ADAMTS18: variants seen among roughly 807,000 people sequenced by gnomAD.
The protein encoded by ADAMTS18 is ADAM metallopeptidase with thrombospondin type 1 motif 18, also known as A disintegrin and metalloproteinase with thrombospondin motifs 18.
A neutral mutation model predicts 165.9 loss-of-function variants in ADAMTS18; 157 were observed. That is an observed-to-expected ratio of 0.95 (90% confidence interval 0.83 to 1.08). The LOEUF (loss-of-function observed/expected upper bound fraction) is 1.08, where lower values mean the gene tolerates loss of function less well. ADAMTS18 is among the 50% of genes least tolerant of loss of function. The pLI is 0.00. For missense variants in ADAMTS18, 2,040 were observed against 1,534.0 expected (o/e 1.33, Z -5.51); for synonymous variants, 782 against 578.2 (o/e 1.35, Z -5.06).
Position 77,332,717 on chromosome 16 carries a change from T to C in ADAMTS18, c.1859+3039A>G, listed in dbSNP as rs186714842. Among the ~76,000 whole-genome samples, 1,147 of 152,252 alleles carry C rather than the reference T, an allele frequency of 7.5e-3. 7 individuals carry two copies. The highest frequency in any genetic ancestry group is 0.013 in the Non-Finnish European group (917 of 68,022). On this transcript the variant is annotated intron_variant, in intron 12 of 22. Transcript: ENST00000282849. ...TAAAAGTAACATAAAACCACCTTCA[T>C]GTGCACAGAGCACAAACTGCAGTTC...
intron 3 of ADAMTS18, among the ~76,000 whole-genome samples, chr16:77,403,502 A>G (rs1264183717): frequency 6.6e-6 from 1 of 152,208 alleles, no homozygotes; most frequent in Non-Finnish European, 1.5e-5. Flanking sequence ...ATAGAAAATC[A>G]GAGAATGGGA....
intron 6 of ADAMTS18, 26 bp from the exon 7 acceptor site, chr16:77,362,290 G>T: frequency 1.2e-6 from 2 of 1,613,180 alleles, no homozygotes; most frequent in Non-Finnish European, 1.7e-6. Context: ...ACAAATCAAA[G>T]TGTGAATTTG....
chr16:77,410,285 C>G (rs1006107572), intron 3 of ADAMTS18, among the ~76,000 whole-genome samples: 8 of 112,240 alleles, frequency 7.1e-5, no homozygotes, highest in Admixed American at 2.7e-4. Flanking sequence ...GGTTGCAACC[C>G]AAATTTGAAA....
chr16:77,290,677 C>T (rs984975625), intron 21 of ADAMTS18: 7 of 164,914 alleles, frequency 4.2e-5, no homozygotes, highest in Non-Finnish European at 6.6e-5. Context: ...GGAAGGACCG[C>T]GTCACACACC....
intron 3 of ADAMTS18, among the ~76,000 whole-genome samples, chr16:77,407,847 G>A (rs1171609336): frequency 6.6e-6 from 1 of 151,872 alleles, no homozygotes; most frequent in East Asian, 1.9e-4. Flanking sequence ...ATTTTACATT[G>A]GAAAATATTT....
chr16:77,397,269 G>C (rs193203262), intron 3 of ADAMTS18, among the ~76,000 whole-genome samples: 1 of 152,184 alleles, frequency 6.6e-6, no homozygotes, highest in African/African-American at 2.4e-5. Flanking sequence ...TCCTACATAA[G>C]TGAAATACAC....
At chr16:77,407,104 G>A (rs778177632) in intron 3 of ADAMTS18, among the ~76,000 whole-genome samples, 1 of 151,968 alleles carries the variant, frequency 6.6e-6, no homozygotes, top group African/African-American at 2.4e-5. Flanking sequence ...AAAAATTGAA[G>A]AGAAAGGAAT....
intron 12 of ADAMTS18, among the ~76,000 whole-genome samples, chr16:77,328,960 G>C (rs919118294): frequency 1.3e-5 from 2 of 152,328 alleles, no homozygotes; most frequent in Admixed American, 6.5e-5. Context: ...CAGGCCTGTG[G>C]ACTCAGTCCA....
At chr16:77,430,854 G>A (rs548246797) in intron 3 of ADAMTS18, among the ~76,000 whole-genome samples, 1 of 152,300 alleles carries the variant, frequency 6.6e-6, no homozygotes, top group African/African-American at 2.4e-5. Flanking sequence ...GAAGACAAAA[G>A]GCCTCCCTTC....
At chr16:77,359,856 G>A (rs2056686743) in intron 7 of ADAMTS18, among the ~76,000 whole-genome samples, 1 of 152,096 alleles carries the variant, frequency 6.6e-6, no homozygotes, top group African/African-American at 2.4e-5. Context: ...ATTTTCCAAG[G>A]AAAAACACAT....
rs144780718 is a variant in ADAMTS18 at position 77,383,245 on chromosome 16, G to A, written c.496-15522C>T. Among the ~76,000 whole-genome samples the A allele has an allele frequency of 2.6e-5, 4 of 152,000 alleles. No individual in the cohort carries two copies. The East Asian group carries it at 7.7e-4, about 29-fold the overall frequency. ...TTTTTTCCAAAGCATCGCTTTTAAC[G>A]GGTCATTCACCATCATGCTCTATCA... On this transcript the variant is annotated intron_variant, in intron 3 of 22. Coordinates refer to ENST00000282849, the MANE Select transcript of ADAMTS18 (RefSeq NM_199355.4).
At chr16:77,374,052 C>G (rs1468103546) in intron 3 of ADAMTS18, among the ~76,000 whole-genome samples, 1 of 152,080 alleles carries the variant, frequency 6.6e-6, no homozygotes, top group South Asian at 2.1e-4. Context: ...AACCTCATCT[C>G]TACTAAAAAT....
intron 11 of ADAMTS18, among the ~76,000 whole-genome samples, chr16:77,337,684 T>C (rs1403641066): frequency 6.6e-6 from 1 of 152,216 alleles, no homozygotes; most frequent in Admixed American, 6.5e-5. Flanking sequence ...CTTCCAGTCA[T>C]TCAATTAACT....
intron 11 of ADAMTS18, among the ~76,000 whole-genome samples, chr16:77,341,471 C>T (rs74025914): frequency 0.054 from 8,190 of 152,026 alleles, 479 homozygotes; most frequent in African/African-American, 0.15. Context: ...AGCCAAGCCA[C>T]CATCTAAAAC....
In ADAMTS18 at chr16:77,407,493, G is replaced by A. The variant is rs111875190; in HGVS notation, c.495+23802C>T. Among the ~76,000 whole-genome samples the A allele has an allele frequency of 6.3e-3, 964 of 152,132 alleles. 13 individuals carry two copies. The highest frequency in any genetic ancestry group is 0.022 in the African/African-American group (925 of 41,538). The stretch of plus-strand genomic sequence containing the variant: ...AATGCAAAGAACACAATATAGTCAC[G>A]ACAATCCAAAAGTACAAAGATGAGG... On this transcript the variant is annotated intron_variant, in intron 3 of 22. Transcript: ENST00000282849.
intron 10 of ADAMTS18, among the ~76,000 whole-genome samples, chr16:77,348,324 T>C (rs901434305): frequency 2.6e-5 from 4 of 152,120 alleles, no homozygotes; most frequent in African/African-American, 7.2e-5. Context: ...CTGAGATCTG[T>C]GGCCAAATAG....
At chr16:77,323,957 C>T (rs2056049894) in intron 13 of ADAMTS18, among the ~76,000 whole-genome samples, 1 of 152,150 alleles carries the variant, frequency 6.6e-6, no homozygotes, top group Non-Finnish European at 1.5e-5. Context: ...TCAGTGGAAA[C>T]TGCAATAAAA....
At chr16:77,370,316 G>C (rs2056858182) in intron 3 of ADAMTS18, among the ~76,000 whole-genome samples, 1 of 152,256 alleles carries the variant, frequency 6.6e-6, no homozygotes, top group Non-Finnish European at 1.5e-5. Context: ...CAGATAACAT[G>C]ATCTTATAAA....
chr16:77,312,962 A>G (rs929587711), intron 16 of ADAMTS18, among the ~76,000 whole-genome samples: 1 of 152,224 alleles, frequency 6.6e-6, no homozygotes, highest in African/African-American at 2.4e-5. Context: ...CCAAAGGATT[A>G]TAAATCATGC....
Sources: allele counts gnomAD v4.1 joint callset (sites outside exome capture counted in the v4.1 genomes callset), GRCh38; gene constraint gnomAD v4.1.1; transcripts MANE v1.5; gene names NCBI Gene and HGNC (gene_info 2026-07-23, HGNC 2026-07-21).